Variants in GRHL1 observed in about 807,000 individuals in gnomAD.
GRHL1 encodes the protein grainyhead-like protein 1 homolog.
A neutral mutation model predicts 75.7 loss-of-function variants in GRHL1; 38 were observed. The ratio of observed to expected loss-of-function variants is 0.50; its 90% CI spans 0.39 to 0.66. The LOEUF (loss-of-function observed/expected upper bound fraction) is 0.66. GRHL1 is among the 30% of genes least tolerant of loss of function. GRHL1 has a pLI of 0.00. For missense variants in GRHL1, 589 were observed against 767.5 expected, an observed-to-expected ratio of 0.77 and a Z score of 2.75; for synonymous variants, 266 against 279.4, an observed-to-expected ratio of 0.95 and a Z score of 0.48.
chr2:9,981,442 G>A (rs1047308987), intron 8 of GRHL1, among the ~76,000 whole-genome samples: 1 of 152,242 alleles, frequency 6.6e-6, no homozygotes, highest in Non-Finnish European at 1.5e-5. Flanking sequence ...ATAAATTAAT[G>A]TCCAAGCAAC....
At chr2:9,976,706 T>C (rs958910533) in intron 8 of GRHL1, among the ~76,000 whole-genome samples, 21 of 152,248 alleles carry the variant, frequency 1.4e-4, no homozygotes, top group African/African-American at 5.1e-4. Context: ...CATGAGGTCT[T>C]GGGGTGCTGG....
chr2:9,958,295 GTC>G (rs1056179856), intron 2 of GRHL1, among the ~76,000 whole-genome samples: 2 of 151,378 alleles, frequency 1.3e-5, no homozygotes, highest in African/African-American at 4.9e-5. Flanking sequence ...TCTCACCGCA[GTC>G]TCTCTTGTGT....
At position 9,987,638 on chromosome 2, in the gene GRHL1, C is replaced by T. The variant is rs1668479919; in HGVS notation, c.1269+1356C>T. Among the ~76,000 whole-genome samples, 1 of 152,026 alleles carries T rather than the reference C, an allele frequency of 6.6e-6. No individual in the cohort carries two copies. The highest frequency in any genetic ancestry group is 2.4e-5 in the African/African-American group (1 of 41,266). ...GGGCCCAGAGGGATCTCTGCATGAC[C>T]TGTTTTCCCTGGTGTGGCTCTTTTT... On this transcript the variant is annotated intron_variant, in intron 9 of 15. Transcript: ENST00000324907. The surrounding 1 kb of genome is among the most constrained non-coding windows in gnomAD (Gnocchi z 4.2).
At chr2:9,999,129 A>G in intron 15 of GRHL1, 100 bp downstream of exon 15, 1 of 419,200 alleles carries the variant, frequency 2.4e-6, no homozygotes. Flanking sequence ...CCCCAGCACC[A>G]TGTAACACAC....
chr2:9,985,321 GA>G (rs1668369421), intron 8 of GRHL1, among the ~76,000 whole-genome samples: 1 of 152,178 alleles, frequency 6.6e-6, no homozygotes, highest in African/African-American at 2.4e-5. Context: ...GGAACTTCTT[GA>G]ATGAGGAACA....
intron 2 of GRHL1, among the ~76,000 whole-genome samples, chr2:9,957,350 A>G (rs1418392799): frequency 1.3e-5 from 2 of 151,628 alleles, no homozygotes; most frequent in Non-Finnish European, 2.9e-5. Flanking sequence ...TATAAGCATC[A>G]GTCATTATTA....
At chr2:9,982,455 C>G (rs1166429192) in intron 8 of GRHL1, among the ~76,000 whole-genome samples, 1 of 152,220 alleles carries the variant, frequency 6.6e-6, no homozygotes, top group Admixed American at 6.5e-5. Flanking sequence ...ATCAGAATCT[C>G]TGGGGTGTAG....
chr2:9,989,821 A>T lies in GRHL1; in HGVS notation c.1270-875A>T, dbSNP rs576710312. On this transcript the variant is annotated intron_variant, in intron 9 of 15. Transcript: ENST00000324907. ...CACCTCGGCCTCCCAAAATGCTGGG[A>T]TTACAAGCGTGAGCCACCGCGCCCA... Among the ~76,000 whole-genome samples, 24 of 152,234 alleles carry T rather than the reference A, an allele frequency of 1.6e-4. 1 individual carries two copies. Among genetic ancestry groups the T allele is most frequent in the African/African-American group, 5.8e-4 (24 of 41,550 alleles).
chr2:9,969,448 G>A (rs929511111), intron 8 of GRHL1, among the ~76,000 whole-genome samples: 5 of 152,182 alleles, frequency 3.3e-5, no homozygotes, highest in African/African-American at 9.7e-5. Context: ...AAACATTCTT[G>A]ACAGGGAAGA....
At chr2:9,952,285 G>A (rs1025436785) in intron 1 of GRHL1, among the ~76,000 whole-genome samples, 5 of 152,216 alleles carry the variant, frequency 3.3e-5, no homozygotes, top group Non-Finnish European at 5.9e-5. Flanking sequence ...GGGACAGGTG[G>A]ACTTCTCCAG....
intron 8 of GRHL1, among the ~76,000 whole-genome samples, chr2:9,984,470 A>G (rs1668336140): frequency 6.6e-6 from 1 of 152,252 alleles, no homozygotes; most frequent in Non-Finnish European, 1.5e-5. Context: ...CAGTGATAAA[A>G]ATAGTGGGGA....
In GRHL1 at chr2:9,998,651, C is replaced by CATATACATATATATGTACACATAT. The variant is rs1669057847; in HGVS notation, c.1678-292_1678-269dup. Among the ~76,000 whole-genome samples the CATATACATATATATGTACACATAT allele has an allele frequency of 1.9e-4, 5 of 25,878 alleles. 2 individuals are homozygous for CATATACATATATATGTACACATAT. Among genetic ancestry groups the CATATACATATATATGTACACATAT allele is most frequent in the East Asian group, 1.6e-3 (2 of 1,276 alleles). The allele number at this position is 25,878 out of a possible 152,430, so 17.0% of individuals were successfully genotyped here. A position where few individuals can be genotyped will look rare whatever the true frequency, so the allele number is the denominator to read the frequency against. ...ATATACATATATATGTACACATATA[C>CATATACATATATATGTACACATAT]ATATACATATATATGTACACATATA... On this transcript the variant is annotated intron_variant, in intron 14 of 15. Transcript: ENST00000324907.
chr2:9,998,448 G>GTGTGTGTGTGTGTGTGTGTGTGTGTT (rs1553306800), intron 14 of GRHL1, among the ~76,000 whole-genome samples: 1 of 71,146 alleles, frequency 1.4e-5, no homozygotes, highest in Admixed American at 1.8e-4. Flanking sequence ...GTGTGTGTGT[G>GTGTGTGTGTGTGTGTGTGTGTGTGTT]TATATATATA....
intron 8 of GRHL1, among the ~76,000 whole-genome samples, chr2:9,982,722 G>T (rs76271095): frequency 1.3e-5 from 2 of 152,168 alleles, no homozygotes; most frequent in African/African-American, 2.4e-5. Context: ...AGCCATTGCC[G>T]TATGAGATTC....
chr2:10,001,556 G>A lies in GRHL1; in HGVS notation c.*849G>A, dbSNP rs544577506. 84 of 152,278 alleles carry A rather than the reference G, an allele frequency of 5.5e-4. No homozygotes were observed. Among genetic ancestry groups the A allele is most frequent in the Middle Eastern group, 6.8e-3 (2 of 294 alleles). The allele number at this position is 152,278 out of a possible 1,614,324, so 9.4% of individuals were successfully genotyped here. ...AAGCAGATAGAATACTGTGCTTAGTGGAACCCGCTAAAAACCTTTTTCTCT... is the reference window on the plus strand; with the variant it reads ...AAGCAGATAGAATACTGTGCTTAGTAGAACCCGCTAAAAACCTTTTTCTCT... On this transcript the variant is annotated 3_prime_UTR_variant, in exon 16 of 16. Coordinates refer to ENST00000324907, the MANE Select transcript of GRHL1 (RefSeq NM_198182.3).
At position 9,961,542 on chromosome 2, in the gene GRHL1, G is replaced by A. The variant is rs1007754853; in HGVS notation, c.669+106G>A. ...CATGAAACTCAGCCTGAAATGAATG[G>A]ATTAGGAATAAAAGATTTTTTTTTT... On this transcript the variant is annotated intron_variant, in intron 4 of 15. Transcript: ENST00000324907. 5 of 1,074,544 alleles carry A rather than the reference G, an allele frequency of 4.7e-6. No individual in the cohort carries two copies. The Admixed American group carries it at 1.3e-4, about 29-fold the overall frequency. The allele number at this position is 1,074,544 out of a possible 1,614,324, so 66.6% of individuals were successfully genotyped here.
At position 9,998,637 on chromosome 2, in the gene GRHL1, T is replaced by C. The variant is rs1482095167; in HGVS notation, c.1678-328T>C. 2.6e-4 allele frequency among the ~76,000 whole-genome samples: 13 copies of C among 50,436 alleles called. 3 individuals carry two copies. Among genetic ancestry groups the C allele is most frequent in the Non-Finnish European group, 4.2e-4 (12 of 28,514 alleles). 33.1% of individuals were successfully genotyped at this position (50,436 alleles called of 152,430 possible). ...ATATATATGTACACATATACATATATATGTACACATATACATATACATATA... is the reference window on the plus strand; with the variant it reads ...ATATATATGTACACATATACATATACATGTACACATATACATATACATATA... On this transcript the variant is annotated intron_variant, in intron 14 of 15. Coordinates refer to ENST00000324907, the MANE Select transcript of GRHL1 (RefSeq NM_198182.3).
intron 8 of GRHL1, among the ~76,000 whole-genome samples, chr2:9,973,189 G>C (rs936764970): frequency 1.3e-5 from 2 of 152,266 alleles, no homozygotes; most frequent in South Asian, 2.1e-4. Flanking sequence ...TTATTTCTTG[G>C]GGGGTAGCAT....
At chr2:9,994,057 G>T (rs974305946) in intron 12 of GRHL1, among the ~76,000 whole-genome samples, 15 of 144,706 alleles carry the variant, frequency 1.0e-4, no homozygotes, top group Non-Finnish European at 2.1e-4. Flanking sequence ...CCTAGTGGAG[G>T]GGGGCTGACG....
Sources: allele counts gnomAD v4.1 joint callset (sites outside exome capture counted in the v4.1 genomes callset), GRCh38; gene constraint gnomAD v4.1.1; non-coding constraint Gnocchi (gnomAD v3.1); transcripts MANE v1.5; gene names NCBI Gene and HGNC (gene_info 2026-07-23, HGNC 2026-07-21).